Variants in SATL1 observed in about 807,000 individuals in gnomAD.
SATL1 encodes spermidine/spermine N1-acetyl transferase like 1.
SATL1 carries 47 observed loss-of-function variants against 51.8 expected under a neutral mutation model. The observed-to-expected ratio is 0.91, with a 90% CI of 0.72 to 1.16. SATL1 has a LOEUF of 1.16. Among genes scored for constraint, SATL1 ranks in the 50% most tolerant of loss-of-function variants. SATL1 has a pLI of 0.00. For missense variants in SATL1, 520 were observed against 526.4 expected, an observed-to-expected ratio of 0.99 and a Z score of 0.12; for synonymous variants, 176 against 182.4, an observed-to-expected ratio of 0.97 and a Z score of 0.28.
intron 2 of SATL1, among the ~76,000 whole-genome samples, chrX:85,129,075 T>TAGCGTGA (rs1268088451): frequency 8.9e-6 from 1 of 111,863 alleles, no homozygotes; most frequent in Non-Finnish European, 1.9e-5. Context: ...TGAAGTCAGG[T>TAGCGTGA]AGCGTGATGC....
At chrX:85,125,144 A>G (rs1158818125) in intron 2 of SATL1, among the ~76,000 whole-genome samples, 1 of 110,527 alleles carries the variant, frequency 9.0e-6, no homozygotes, top group African/African-American at 3.3e-5. Flanking sequence ...AACTATAGGC[A>G]AGAAAAAGAA....
At chrX:85,159,914 T>C (rs1214452551) in intron 2 of SATL1, among the ~76,000 whole-genome samples, 1 of 111,491 alleles carries the variant, frequency 9.0e-6, no homozygotes, top group Non-Finnish European at 1.9e-5. Flanking sequence ...CGAAACACCT[T>C]GGCTGGCACC....
chrX:85,160,924 G>A (rs1049733261), intron 2 of SATL1, among the ~76,000 whole-genome samples: 1 of 111,589 alleles, frequency 9.0e-6, no homozygotes, highest in Admixed American at 9.5e-5. Flanking sequence ...GGCAGCTGGA[G>A]AGAAAGGTCA....
rs1211281822 is a variant in SATL1 at position 85,156,408 on chromosome X, A to AGGC, written c.-312-47131_-312-47129dup. Reference sequence around the variant, plus strand: ...ATATGAGGCCTCCTCAACCTGATCAAGGCCGGGTAAACACTGGAACTCATT... The same window carrying AGGC: ...ATATGAGGCCTCCTCAACCTGATCAAGGCGGCCGGGTAAACACTGGAACTCATT... On this transcript the variant is annotated intron_variant, in intron 2 of 7. Transcript: ENST00000644105. 3 of 111,433 alleles carry AGGC rather than the reference A, an allele frequency of 2.7e-5. No homozygotes were observed. The East Asian group carries it at 8.4e-4, about 31-fold the overall frequency. 9.2% of individuals were successfully genotyped at this position (111,433 alleles called of 1,213,427 possible). A position where few individuals can be genotyped will look rare whatever the true frequency, so the allele number is the denominator to read the frequency against.
At chrX:85,130,149 T>C (rs921436089) in intron 2 of SATL1, among the ~76,000 whole-genome samples, 1 of 111,992 alleles carries the variant, frequency 8.9e-6, no homozygotes, top group African/African-American at 3.3e-5. Flanking sequence ...ATCAGGATAA[T>C]GCTGGCCTCA....
chrX:85,143,218 A>T (rs1460249546), intron 2 of SATL1, among the ~76,000 whole-genome samples: 1 of 112,360 alleles, frequency 8.9e-6, no homozygotes, highest in Admixed American at 9.5e-5. Context: ...TGCATGTTCC[A>T]TATACAGGAA....
chrX:85,238,349 T>A (rs1928520700), intron 1 of SATL1, among the ~76,000 whole-genome samples: 1 of 111,711 alleles, frequency 9.0e-6, no homozygotes, highest in African/African-American at 3.2e-5. Context: ...GAAAATGTGG[T>A]ACATATACAC....
chrX:85,203,078 G>A (rs949151612), intron 2 of SATL1, among the ~76,000 whole-genome samples: 7 of 111,527 alleles, frequency 6.3e-5, no homozygotes, highest in South Asian at 3.8e-4. Context: ...GGGCTGCTGC[G>A]GTATGCTTGG....
At chrX:85,211,198 C>T (rs1927915212) in intron 2 of SATL1, 1 of 111,918 alleles carries the variant, frequency 8.9e-6, no homozygotes, top group Admixed American at 9.5e-5. Flanking sequence ...CAAAATCAAT[C>T]AATCAAAATG....
chrX:85,198,985 A>C (rs1302134056), intron 2 of SATL1, among the ~76,000 whole-genome samples: 1 of 108,545 alleles, frequency 9.2e-6, no homozygotes, highest in Non-Finnish European at 1.9e-5. Context: ...CTACAGGCGC[A>C]CTCCACCATG....
intron 2 of SATL1, chrX:85,210,730 C>T (rs1820293594): frequency 9.0e-6 from 1 of 111,645 alleles, no homozygotes; most frequent in African/African-American, 3.3e-5. Context: ...GAGGGACTGG[C>T]CGTAGGCACA....
intron 4 of SATL1, 83 bp downstream of exon 4, chrX:85,103,781 T>A: frequency 1.5e-6 from 1 of 657,844 alleles, no homozygotes; most frequent in Non-Finnish European, 2.4e-6. Flanking sequence ...CATCTTTATG[T>A]ACCAAGAACA....
At chrX:85,126,763 T>C (rs1460600488) in intron 2 of SATL1, among the ~76,000 whole-genome samples, 1 of 110,541 alleles carries the variant, frequency 9.0e-6, no homozygotes, top group Non-Finnish European at 1.9e-5. Flanking sequence ...ACCTAGTAAA[T>C]TGCCCAGGAC....
intron 2 of SATL1, among the ~76,000 whole-genome samples, chrX:85,127,629 C>T (rs1391081377): frequency 9.0e-6 from 1 of 111,359 alleles, no homozygotes; most frequent in Non-Finnish European, 1.9e-5. Flanking sequence ...AAATGACTAC[C>T]AATGCATGAA....
intron 1 of SATL1, among the ~76,000 whole-genome samples, chrX:85,224,710 A>C (rs1265091008): frequency 9.9e-6 from 1 of 101,468 alleles, no homozygotes; most frequent in African/African-American, 3.7e-5. Flanking sequence ...AGATGGACTT[A>C]CCCTTTAAGT....
intron 2 of SATL1, among the ~76,000 whole-genome samples, chrX:85,218,147 A>T (rs1928091051): frequency 9.3e-6 from 1 of 107,354 alleles, no homozygotes; most frequent in Non-Finnish European, 2.0e-5. Flanking sequence ...AGATAAAAAA[A>T]AAACCCCACC....
At chrX:85,168,283 A>G (rs1406794282) in intron 2 of SATL1, among the ~76,000 whole-genome samples, 1 of 111,376 alleles carries the variant, frequency 9.0e-6, no homozygotes, top group African/African-American at 3.3e-5. Context: ...GGCCAGAGCA[A>G]TAAGGCAAGA....
At chrX:85,149,370 A>G (rs1406096674) in intron 2 of SATL1, among the ~76,000 whole-genome samples, 1 of 111,472 alleles carries the variant, frequency 9.0e-6, no homozygotes, top group Non-Finnish European at 1.9e-5. Flanking sequence ...ATAATGGGAG[A>G]CTTTAACACC....
chrX:85,134,451 A>G (rs192259608), intron 2 of SATL1, among the ~76,000 whole-genome samples: 26 of 111,611 alleles, frequency 2.3e-4, no homozygotes, highest in African/African-American at 8.1e-4. Context: ...GTATAATGCT[A>G]GGCACTAGGG....
Sources: allele counts gnomAD v4.1 joint callset (sites outside exome capture counted in the v4.1 genomes callset), GRCh38; gene constraint gnomAD v4.1.1; transcripts MANE v1.5; gene names NCBI Gene and HGNC (gene_info 2026-07-23, HGNC 2026-07-21).